The following TAPBP variants were observed in gnomAD, a reference collection of about 807,000 sequenced individuals.
The protein encoded by TAPBP is TAP binding protein.
Under a neutral mutation model 45.7 loss-of-function variants are expected in TAPBP, and 38 were observed. The ratio of observed to expected loss-of-function variants is 0.83; its 90% CI spans 0.64 to 1.09. The LOEUF is 1.09. Ranked by LOEUF, TAPBP falls within the 50% of genes least tolerant of loss-of-function variation. The pLI, the probability that TAPBP is intolerant of heterozygous loss-of-function variation, is 0.00. For synonymous variants in TAPBP, 226 were observed against 254.8 expected (o/e 0.89, Z 1.08); for missense variants, 513 against 587.3 (o/e 0.87, Z 1.31).
chr6:33,305,040 T>C lies in TAPBP; in HGVS notation c.817A>G (p.Ile273Val). The C allele has an allele frequency of 6.2e-7, 1 of 1,614,162 alleles. No homozygotes were observed. Among genetic ancestry groups the C allele is most frequent in the Non-Finnish European group, 8.5e-7 (1 of 1,180,038 alleles). Residue 273 changes from isoleucine (I) to valine (V), a missense_variant, in exon 4 of 8, where the codon ATA becomes GTA. Physicochemically the swap from Ile to Val is conservative, Grantham distance 29 (BLOSUM62 3). Coordinates refer to ENST00000434618, the MANE Select transcript of TAPBP (RefSeq NM_003190.5). This position sits in a 1 kb window ranked among gnomAD's most constrained non-coding sequence, Gnocchi z 4.4. ...PFQEGTYLAT[I>V]HLPYLQGQVT... is the part of the protein sequence containing the mutation. ...TGTCCTTGCAGGTATGGCAGGTGTA[T>C]GGTGGCCAGATAGGTGCCCTCCTGA...
At position 33,313,749 on chromosome 6, in the gene TAPBP, C is replaced by T. The variant is rs1276260669; in HGVS notation, c.153G>A (p.Pro51=). The T allele has an allele frequency of 3.7e-6, 6 of 1,613,628 alleles. No individual in the cohort carries two copies. The highest frequency in any genetic ancestry group is 2.2e-5 in the East Asian group (1 of 44,870). Residue 51 remains proline, a synonymous_variant, in exon 2 of 8, where the codon CCG becomes CCA. Transcript: ENST00000434618. This position sits in a 1 kb window ranked among gnomAD's most constrained non-coding sequence, Gnocchi z 7.2. ...RPGALLLRQG[P]GEPPPRPDLD... ...GGTCCGGCCGGGGCGGCGGTTCCCC[C>T]GGTCCCTGGCGCAACAGCAGTGCAC...
chr6:33,304,868 C>T (rs1768856906), intron 4 of TAPBP, 121 bp downstream of exon 4: 2 of 1,466,792 alleles, frequency 1.4e-6, no homozygotes, highest in East Asian at 2.3e-5. Context: ...CTCCCAGGAA[C>T]CTCTTTCTAT....
Position 33,301,647 on chromosome 6 carries a change from T to A in TAPBP, c.*113A>T. On this transcript the variant is annotated 3_prime_UTR_variant, in exon 8 of 8. Coordinates refer to ENST00000434618, the MANE Select transcript of TAPBP (RefSeq NM_003190.5). ...AAAAAAAAGCATTCCAGCCACTCAG[T>A]GGAGAGAGATTGGAGGGATTAGGAG... The A allele has an allele frequency of 1.2e-6, 1 of 835,986 alleles. No homozygotes were observed. Among genetic ancestry groups the A allele is most frequent in the Non-Finnish European group, 1.9e-6 (1 of 516,056 alleles). 51.8% of individuals were successfully genotyped at this position (835,986 alleles called of 1,614,324 possible).
intron 5 of TAPBP, 21 bp from the exon 6 acceptor site, chr6:33,304,238 G>A: frequency 6.2e-7 from 1 of 1,611,410 alleles, no homozygotes; most frequent in African/African-American, 1.3e-5. Flanking sequence ...GAAGGGGTGA[G>A]AGTGAGCTCC....
chr6:33,304,058 C>T (rs949862956), intron 6 of TAPBP, 69 bp from the exon 7 acceptor site: 2 of 1,611,348 alleles, frequency 1.2e-6, no homozygotes, highest in Non-Finnish European at 1.7e-6. Flanking sequence ...GGATGGGTGT[C>T]AGGCTCTTGG....
chr6:33,301,433 G>A lies in TAPBP; in HGVS notation c.*327C>T, dbSNP rs1768574134. The A allele has an allele frequency of 9.0e-6, 3 of 333,736 alleles. No homozygotes were observed. The highest frequency in any genetic ancestry group is 2.1e-5 in the African/African-American group (1 of 46,762). The allele number at this position is 333,736 out of a possible 1,614,324, so 20.7% of individuals were successfully genotyped here. Reference sequence around the variant, plus strand: ...TACTAAAAATACAAAAATTCACTGGGTGTGGTGGCATGTGCCTGTAATCCC... The same window carrying A: ...TACTAAAAATACAAAAATTCACTGGATGTGGTGGCATGTGCCTGTAATCCC... On this transcript the variant is annotated 3_prime_UTR_variant, in exon 8 of 8. Coordinates refer to ENST00000434618, the MANE Select transcript of TAPBP (RefSeq NM_003190.5).
chr6:33,307,030 G>A (rs572206821), intron 3 of TAPBP, among the ~76,000 whole-genome samples: 3 of 149,078 alleles, frequency 2.0e-5, no homozygotes, highest in African/African-American at 7.5e-5. Context: ...GCTCACACCT[G>A]TAATCCCAAC....
At position 33,313,750 on chromosome 6, in the gene TAPBP, G is replaced by A; in HGVS notation, c.152C>T (p.Pro51Leu). 1 of 1,613,614 alleles carries A rather than the reference G, an allele frequency of 6.2e-7. No individual in the cohort carries two copies. Among genetic ancestry groups the A allele is most frequent in the Non-Finnish European group, 8.5e-7 (1 of 1,180,000 alleles). ...RPGALLLRQG[P>L]GEPPPRPDLD... Reference sequence around the variant, plus strand: ...GTCCGGCCGGGGCGGCGGTTCCCCCGGTCCCTGGCGCAACAGCAGTGCACC... The same window carrying A: ...GTCCGGCCGGGGCGGCGGTTCCCCCAGTCCCTGGCGCAACAGCAGTGCACC... Residue 51 changes from proline to leucine, a missense_variant, in exon 2 of 8, where the codon CCG becomes CTG. Transcript: ENST00000434618. This position sits in a 1 kb window ranked among gnomAD's most constrained non-coding sequence, Gnocchi z 7.2.
At chr6:33,306,032 A>G (rs1390602116) in intron 3 of TAPBP, among the ~76,000 whole-genome samples, 1 of 152,142 alleles carries the variant, frequency 6.6e-6, no homozygotes, top group Non-Finnish European at 1.5e-5. Context: ...TTAAAAGTTG[A>G]TGATAATAAT....
chr6:33,306,226 A>C (rs1768962192), intron 3 of TAPBP, among the ~76,000 whole-genome samples: 1 of 152,202 alleles, frequency 6.6e-6, no homozygotes, highest in African/African-American at 2.4e-5. Flanking sequence ...GCATACCCCA[A>C]GTCAACAGCA....
chr6:33,313,030 T>A lies in TAPBP; in HGVS notation c.469+187A>T, dbSNP rs1581757132. On this transcript the variant is annotated intron_variant, in intron 3 of 7. Coordinates refer to ENST00000434618, the MANE Select transcript of TAPBP (RefSeq NM_003190.5). This position sits in a 1 kb window ranked among gnomAD's most constrained non-coding sequence, Gnocchi z 7.2. ...CAGTTTTTTTTTTGTTTTTTTTTTT[T>A]AACTGGGTGAGGGCTAGAAGGAGCG... The A allele has an allele frequency of 1.9e-6, 1 of 515,662 alleles. No individual in the cohort carries two copies. The highest frequency in any genetic ancestry group is 3.4e-5 in the East Asian group (1 of 29,106). The allele number at this position is 515,662 out of a possible 1,614,324, so 31.9% of individuals were successfully genotyped here. A position where few individuals can be genotyped will look rare whatever the true frequency, so the allele number is the denominator to read the frequency against.
chr6:33,303,657 T>C, intron 7 of TAPBP: 2 of 1,316,044 alleles, frequency 1.5e-6, no homozygotes, highest in African/African-American at 1.5e-5. Flanking sequence ...TTCTGCTTAT[T>C]TTTTTAATGT....
In TAPBP at chr6:33,312,678, G is replaced by C. The variant is rs545153466; in HGVS notation, c.469+539C>G. ...ACAGAGCGGCAGCACATCCCTACACGGGGCTGTCAGGCAAGGTCAACGCGC... is the reference window on the plus strand; with the variant it reads ...ACAGAGCGGCAGCACATCCCTACACCGGGCTGTCAGGCAAGGTCAACGCGC... On this transcript the variant is annotated intron_variant, in intron 3 of 7. Coordinates refer to ENST00000434618, the MANE Select transcript of TAPBP (RefSeq NM_003190.5). Among the ~76,000 whole-genome samples the C allele has an allele frequency of 2.6e-5, 4 of 152,322 alleles. No individual in the cohort carries two copies. In the East Asian group the frequency reaches 5.8e-4, roughly 22 times the overall value.
At chr6:33,301,994 C>A (rs111601856) in intron 7 of TAPBP, among the ~76,000 whole-genome samples, 98 of 152,298 alleles carry the variant, frequency 6.4e-4, no homozygotes, top group African/African-American at 2.0e-3. Flanking sequence ...TCAGGCTCCG[C>A]TGTCCAATAT....
Position 33,313,154 on chromosome 6 carries a change from A to G in TAPBP, c.469+63T>C. 6.5e-7 allele frequency: 1 copy of G among 1,527,456 alleles called. No individual in the cohort carries two copies. The highest frequency in any genetic ancestry group is 1.2e-5 in the South Asian group (1 of 80,974). The allele number at this position is 1,527,456 out of a possible 1,614,324, so 94.6% of individuals were successfully genotyped here. A position where few individuals can be genotyped will look rare whatever the true frequency, so the allele number is the denominator to read the frequency against. On this transcript the variant is annotated intron_variant, in intron 3 of 7. Transcript: ENST00000434618. The surrounding 1 kb of genome is among the most constrained non-coding windows in gnomAD (Gnocchi z 7.2). The stretch of plus-strand genomic sequence containing the variant: ...GTCTTGCTCAAGTCCATAAAGCGAG[A>G]CCACCGGCTGATCTGGACCCTTAGA...
At chr6:33,309,317 G>C (rs138955103) in intron 3 of TAPBP, among the ~76,000 whole-genome samples, 1 of 151,952 alleles carries the variant, frequency 6.6e-6, no homozygotes, top group Non-Finnish European at 1.5e-5. Flanking sequence ...CCTGGGAGGC[G>C]GAGGTTGTGG....
intron 3 of TAPBP, among the ~76,000 whole-genome samples, chr6:33,311,704 A>C (rs1344284973): frequency 6.6e-6 from 1 of 152,226 alleles, no homozygotes; most frequent in Non-Finnish European, 1.5e-5. Flanking sequence ...TGTTTGTGAA[A>C]TACAGACAAT....
At position 33,313,278 on chromosome 6, in the gene TAPBP, G is replaced by A; in HGVS notation, c.408C>T (p.Ser136=). The A allele has an allele frequency of 6.2e-7, 1 of 1,613,948 alleles. No homozygotes were observed. Among genetic ancestry groups the A allele is most frequent in the Non-Finnish European group, 8.5e-7 (1 of 1,179,940 alleles). The stretch of plus-strand genomic sequence containing the variant: ...GCTCTGGCTGTGGTCGCAAGAGGCT[G>A]GAGAGGCTGAGGACTGGGCTGGATA... The part of the protein sequence containing the change: ...VSISSPVLSL[S]SLLRPQPEPQ... The change falls in exon 3 of 8, where the codon TCC becomes TCT. Residue 136 remains serine, a synonymous_variant. Transcript: ENST00000434618. This position sits in a 1 kb window ranked among gnomAD's most constrained non-coding sequence, Gnocchi z 7.2.
intron 3 of TAPBP, among the ~76,000 whole-genome samples, chr6:33,307,394 C>CTT (rs9280398): frequency 2.0e-4 from 18 of 88,744 alleles, no homozygotes; most frequent in Non-Finnish European, 3.6e-4. Flanking sequence ...AGCCCTGCTT[C>CTT]TTTTTTTTTT....
Sources: allele counts gnomAD v4.1 joint callset (sites outside exome capture counted in the v4.1 genomes callset), GRCh38; gene constraint gnomAD v4.1.1; non-coding constraint Gnocchi (gnomAD v3.1); transcripts MANE v1.5; gene names NCBI Gene and HGNC (gene_info 2026-07-23, HGNC 2026-07-21).